The following PDS5B variants were observed in gnomAD, a reference collection of about 807,000 sequenced individuals.
The protein encoded by PDS5B is PDS5 cohesin associated factor B, also known as sister chromatid cohesion protein PDS5 homolog B.
In PDS5B, 51 loss-of-function variants were observed where a neutral mutation model predicts 184.1. That is an observed-to-expected ratio of 0.28 (90% confidence interval 0.22 to 0.35). The LOEUF (loss-of-function observed/expected upper bound fraction) is 0.35, where lower values mean the gene tolerates loss of function less well. Ranked by LOEUF, PDS5B falls within the 10% of genes least tolerant of loss-of-function variation. The pLI is 1.00. For synonymous variants in PDS5B, 566 were observed against 569.2 expected (o/e 0.99, Z 0.08); for missense variants, 1,180 against 1,723.3 (o/e 0.68, Z 5.58).
Position 32,705,413 on chromosome 13 carries a change from C to T in PDS5B, c.1857-1521C>T, listed in dbSNP as rs76420151. The stretch of plus-strand genomic sequence containing the variant: ...TGAGCAGAAAAAGAGAAAACACCCT[C>T]AGAAATACCAACTGTTAAAGAGATG... On this transcript the variant is annotated intron_variant, in intron 17 of 34. Coordinates refer to ENST00000315596, the MANE Select transcript of PDS5B (RefSeq NM_015032.4). 3.9e-3 allele frequency among the ~76,000 whole-genome samples: 587 copies of T among 152,242 alleles called. 5 individuals are homozygous for T. Among genetic ancestry groups the T allele is most frequent in the African/African-American group, 0.013 (556 of 41,550 alleles).
chr13:32,676,778 A>G (rs964489322), intron 9 of PDS5B, among the ~76,000 whole-genome samples: 1 of 151,928 alleles, frequency 6.6e-6, no homozygotes, highest in African/African-American at 2.4e-5. Context: ...AAAAATACAA[A>G]AAATTAGCCA....
At chr13:32,736,055 A>G (rs1021139934) in intron 21 of PDS5B, among the ~76,000 whole-genome samples, 8 of 152,254 alleles carry the variant, frequency 5.3e-5, no homozygotes, top group East Asian at 1.9e-4. Context: ...CTTTGGACTT[A>G]TTAAAGGCCA....
chr13:32,759,543 A>G (rs1029938278), intron 28 of PDS5B, 85 bp from the exon 29 acceptor site: 4 of 568,020 alleles, frequency 7.0e-6, no homozygotes, highest in Non-Finnish European at 1.2e-5. Context: ...AAATAAAAAA[A>G]CTGCTGTTTG....
chr13:32,671,882 C>A (rs976276226), intron 7 of PDS5B, among the ~76,000 whole-genome samples: 1 of 152,142 alleles, frequency 6.6e-6, no homozygotes, highest in African/African-American at 2.4e-5. Flanking sequence ...ACTCAGGAAA[C>A]CATTGAGGAT....
intron 21 of PDS5B, among the ~76,000 whole-genome samples, 164 bp from the exon 22 acceptor site, chr13:32,740,916 T>A (rs1054685432): frequency 1.3e-5 from 2 of 152,072 alleles, no homozygotes; most frequent in African/African-American, 4.8e-5. Flanking sequence ...TCAACCTTTT[T>A]TTTTTTTTAA....
chr13:32,665,588 CAAAAA>C (rs34604938), intron 6 of PDS5B, among the ~76,000 whole-genome samples: 11 of 25,880 alleles, frequency 4.3e-4, no homozygotes, highest in Non-Finnish European at 5.2e-4. Flanking sequence ...GACTCCGACT[CAAAAA>C]AAAAAAAAAA....
chr13:32,755,140 A>T (rs1456091320), intron 25 of PDS5B, among the ~76,000 whole-genome samples: 1 of 152,174 alleles, frequency 6.6e-6, no homozygotes. Flanking sequence ...CATCCAATTT[A>T]TATTTTTATT....
chr13:32,678,785 G>A (rs1229321862), intron 9 of PDS5B, 50 bp from the exon 10 acceptor site: 3 of 1,009,534 alleles, frequency 3.0e-6, no homozygotes, highest in South Asian at 2.6e-5. Flanking sequence ...TTTAACACAT[G>A]TCTGTTTCTC....
intron 20 of PDS5B, among the ~76,000 whole-genome samples, chr13:32,733,221 C>T (rs503116): frequency 0.87 from 132,882 of 152,140 alleles, 58,443 homozygotes; most frequent in East Asian, 1. Flanking sequence ...CAGAGTAGTT[C>T]TTTCATTTTG....
chr13:32,607,825 T>C (rs1253579105), intron 1 of PDS5B, among the ~76,000 whole-genome samples: 1 of 152,144 alleles, frequency 6.6e-6, no homozygotes, highest in East Asian at 1.9e-4. Flanking sequence ...GTGCTAGCAG[T>C]GAGTGAGGCT....
chr13:32,756,042 G>T, intron 26 of PDS5B, 86 bp downstream of exon 26: 1 of 682,554 alleles, frequency 1.5e-6, no homozygotes, highest in Non-Finnish European at 2.6e-6. Context: ...ATTATAATTA[G>T]TTTATTGATG....
chr13:32,664,041 G>T (rs1950720622), intron 6 of PDS5B, among the ~76,000 whole-genome samples: 1 of 152,136 alleles, frequency 6.6e-6, no homozygotes, highest in South Asian at 2.1e-4. Flanking sequence ...TGCTGCAAAA[G>T]ACATTATTTC....
intron 1 of PDS5B, among the ~76,000 whole-genome samples, chr13:32,610,613 C>CA (rs1233496047): frequency 1.6e-5 from 2 of 127,492 alleles, no homozygotes; most frequent in African/African-American, 6.2e-5. Context: ...ACATTTGAAC[C>CA]AAATTTTTTT....
intron 17 of PDS5B, 107 bp from the exon 18 acceptor site, chr13:32,706,827 G>T: frequency 2.0e-6 from 1 of 488,540 alleles, no homozygotes; most frequent in South Asian, 4.8e-5. Context: ...ATTTGTATTT[G>T]GTTCGGATAT....
chr13:32,662,049 A>G (rs1950664356), intron 6 of PDS5B, among the ~76,000 whole-genome samples: 1 of 152,178 alleles, frequency 6.6e-6, no homozygotes, highest in Non-Finnish European at 1.5e-5. Flanking sequence ...AGGTTCTCAG[A>G]TTGGATTGAA....
At chr13:32,678,043 A>T (rs60088097) in intron 9 of PDS5B, among the ~76,000 whole-genome samples, 1 of 151,820 alleles carries the variant, frequency 6.6e-6, no homozygotes. Flanking sequence ...AATATAATCA[A>T]GTTTTTAGAT....
chr13:32,698,232 C>A (rs930486682), intron 15 of PDS5B, among the ~76,000 whole-genome samples: 1 of 152,054 alleles, frequency 6.6e-6, no homozygotes, highest in African/African-American at 2.4e-5. Context: ...TTCCCTACCC[C>A]CTTTTGCTTT....
In PDS5B at chr13:32,610,692, G is replaced by A. The variant is rs181867855; in HGVS notation, c.-20+24099G>A. Among the ~76,000 whole-genome samples the A allele has an allele frequency of 5.6e-3, 844 of 151,888 alleles. 6 individuals carry two copies. Among genetic ancestry groups the A allele is most frequent in the African/African-American group, 0.02 (815 of 41,394 alleles). On this transcript the variant is annotated intron_variant, in intron 1 of 34. Coordinates refer to ENST00000315596, the MANE Select transcript of PDS5B (RefSeq NM_015032.4). Reference sequence around the variant, plus strand: ...ATAGTGGTTAAAAATGTGGACTCTGGAACTTCACTGTGTTTGAGTCCTGGC... The same window carrying A: ...ATAGTGGTTAAAAATGTGGACTCTGAAACTTCACTGTGTTTGAGTCCTGGC...
At chr13:32,628,996 A>G (rs569127683) in intron 1 of PDS5B, among the ~76,000 whole-genome samples, 4 of 152,348 alleles carry the variant, frequency 2.6e-5, no homozygotes, top group African/African-American at 9.6e-5. Context: ...AAAATTTAAT[A>G]GGTATTAACA....
Sources: gnomAD v4.1 joint callset for allele counts (sites outside exome capture counted in the v4.1 genomes callset) on GRCh38, gnomAD v4.1.1 for gene constraint, MANE v1.5 for transcripts, NCBI Gene and HGNC (gene_info 2026-07-23, HGNC 2026-07-21) for gene names.